CDH12: variants seen among roughly 807,000 people sequenced by gnomAD.
CDH12 encodes cadherin 12, also known as cadherin-12.
A neutral mutation model predicts 74.1 loss-of-function variants in CDH12; 41 were observed. That is an observed-to-expected ratio of 0.55 (90% CI 0.43 to 0.72). CDH12 has a LOEUF of 0.72. Ranked by LOEUF, CDH12 falls within the 30% of genes least tolerant of loss-of-function variation. The probability of loss-of-function intolerance (pLI) is 0.00; values close to 1 mark genes in which losing one functional copy is unlikely to be tolerated. For missense variants in CDH12, 945 were observed against 977.2 expected (o/e 0.97, Z 0.44); for synonymous variants, 399 against 355.0 (o/e 1.12, Z -1.39).
intron 1 of CDH12, among the ~76,000 whole-genome samples, chr5:22,620,646 T>C (rs1737926106): frequency 6.6e-6 from 1 of 152,140 alleles, no homozygotes; most frequent in Non-Finnish European, 1.5e-5. Context: ...ATATGCCCAG[T>C]AGATCATGCG....
At chr5:22,037,108 C>T (rs1012060508) in intron 5 of CDH12, among the ~76,000 whole-genome samples, 3 of 152,190 alleles carry the variant, frequency 2.0e-5, no homozygotes, top group East Asian at 3.9e-4. Context: ...AAGAAAATGG[C>T]GGCAAGCCGT....
chr5:22,151,819 C>T (rs993528543), intron 4 of CDH12: 2 of 152,098 alleles, frequency 1.3e-5, no homozygotes, highest in African/African-American at 4.8e-5. Context: ...ATCTTTTACT[C>T]ACATAAAAAG....
intron 3 of CDH12, among the ~76,000 whole-genome samples, chr5:22,222,082 A>T (rs1210725489): frequency 6.6e-6 from 1 of 151,986 alleles, no homozygotes; most frequent in Non-Finnish European, 1.5e-5. Flanking sequence ...GATATAAAAT[A>T]GTCACTTAGT....
chr5:22,553,516 C>A (rs556597249), intron 1 of CDH12, among the ~76,000 whole-genome samples: 1 of 151,990 alleles, frequency 6.6e-6, no homozygotes, highest in Non-Finnish European at 1.5e-5. Flanking sequence ...GAAACCACAT[C>A]ATTTATATTA....
At position 22,852,270 on chromosome 5, in the gene CDH12, A is replaced by G. The variant is rs574875493; in HGVS notation, c.-523+788T>C. Among the ~76,000 whole-genome samples the G allele has an allele frequency of 1.5e-4, 23 of 152,316 alleles. No individual in the cohort carries two copies. In the South Asian group the frequency reaches 4.8e-3, roughly 32 times the overall value. ...TCTGAAGTACAGAGGTTCTAAATAC[A>G]CTGTGGTCCCGATGTAGCAAAAAAC... is the stretch of plus-strand genomic sequence containing the variant. On this transcript the variant is annotated intron_variant, in intron 1 of 14. Coordinates refer to ENST00000382254, the MANE Select transcript of CDH12 (RefSeq NM_004061.5).
chr5:22,664,704 C>T (rs957983567), intron 1 of CDH12, among the ~76,000 whole-genome samples: 14 of 152,162 alleles, frequency 9.2e-5, no homozygotes, highest in African/African-American at 3.1e-4. Flanking sequence ...ACAATAACTA[C>T]GTAAGGTTGT....
At chr5:22,388,049 A>G (rs1742075719) in intron 3 of CDH12, among the ~76,000 whole-genome samples, 1 of 152,158 alleles carries the variant, frequency 6.6e-6, no homozygotes, top group East Asian at 1.9e-4. Context: ...ATGATGCCTA[A>G]GAAGACTATT....
chr5:22,117,901 T>G (rs1219034342), intron 4 of CDH12, among the ~76,000 whole-genome samples: 1 of 152,014 alleles, frequency 6.6e-6, no homozygotes, highest in Non-Finnish European at 1.5e-5. Context: ...TAATTTAATT[T>G]TACAATAATT....
At chr5:22,469,818 A>G (rs1745883734) in intron 2 of CDH12, among the ~76,000 whole-genome samples, 1 of 152,190 alleles carries the variant, frequency 6.6e-6, no homozygotes, top group South Asian at 2.1e-4. Context: ...CAATGTGTCC[A>G]AACACTCTCC....
intron 3 of CDH12, among the ~76,000 whole-genome samples, chr5:22,259,801 A>G (rs1753448124): frequency 6.6e-6 from 1 of 152,164 alleles, no homozygotes; most frequent in East Asian, 1.9e-4. Flanking sequence ...CTCAAGTATA[A>G]TTAATTCAGC....
chr5:22,152,006 T>C (rs1414730222), intron 4 of CDH12: 2 of 152,010 alleles, frequency 1.3e-5, no homozygotes, highest in African/African-American at 4.8e-5. Flanking sequence ...GGTAAGCACA[T>C]AGCTAACTCC....
At chr5:21,784,388 G>T (rs990036241) in intron 10 of CDH12, among the ~76,000 whole-genome samples, 2 of 152,106 alleles carry the variant, frequency 1.3e-5, no homozygotes, top group Admixed American at 1.3e-4. Context: ...AAAAATGTCT[G>T]CAGAATAGTA....
chr5:22,715,784 G>T (rs1743540137), intron 1 of CDH12, among the ~76,000 whole-genome samples: 1 of 144,836 alleles, frequency 6.9e-6, no homozygotes, highest in Non-Finnish European at 1.5e-5. Context: ...CTGAGCTACA[G>T]AGTGAGATCC....
chr5:22,329,387 T>A (rs111263959), intron 3 of CDH12, among the ~76,000 whole-genome samples: 138 of 152,218 alleles, frequency 9.1e-4, no homozygotes, highest in African/African-American at 3.3e-3. Context: ...AATTATTCAA[T>A]CTCCGACCAC....
chr5:22,300,469 G>C (rs1200774438), intron 3 of CDH12, among the ~76,000 whole-genome samples: 1 of 151,986 alleles, frequency 6.6e-6, no homozygotes, highest in Non-Finnish European at 1.5e-5. Context: ...TCAAAATCTT[G>C]AACTATTCTG....
intron 3 of CDH12, among the ~76,000 whole-genome samples, chr5:22,239,403 G>T (rs961126050): frequency 6.6e-6 from 1 of 151,770 alleles, no homozygotes; most frequent in Non-Finnish European, 1.5e-5. Context: ...GGGAAGCAAA[G>T]ATTATTCAAT....
intron 5 of CDH12, among the ~76,000 whole-genome samples, chr5:22,036,985 T>C (rs1323965268): frequency 6.6e-6 from 1 of 152,212 alleles, no homozygotes; most frequent in Non-Finnish European, 1.5e-5. Flanking sequence ...TCACTGGTAG[T>C]TTTTGTTAAT....
chr5:21,988,491 C>CAAAAAAAAAAAAAAAAA (rs1157872208), intron 5 of CDH12, among the ~76,000 whole-genome samples: 1 of 29,472 alleles, frequency 3.4e-5, no homozygotes, highest in African/African-American at 6.7e-5. Flanking sequence ...GACTCCGTCT[C>CAAAAAAAAAAAAAAAAA]AAAAAAAAAA....
At chr5:22,807,383 C>T (rs974144387) in intron 1 of CDH12, among the ~76,000 whole-genome samples, 14 of 151,920 alleles carry the variant, frequency 9.2e-5, no homozygotes, top group East Asian at 1.9e-4. Context: ...ACTATTAATC[C>T]GTATATCATA....
Sources: allele counts gnomAD v4.1 joint callset (sites outside exome capture counted in the v4.1 genomes callset), GRCh38; gene constraint gnomAD v4.1.1; transcripts MANE v1.5; gene names NCBI Gene and HGNC (gene_info 2026-07-23, HGNC 2026-07-21).